PRDM2: variants seen among roughly 807,000 people sequenced by gnomAD.
PRDM2 encodes the protein PR domain zinc finger protein 2.
PRDM2 carries 30 observed loss-of-function variants against 130.0 expected under a neutral mutation model. The ratio of observed to expected loss-of-function variants is 0.23; its 90% CI spans 0.17 to 0.31. PRDM2 has a LOEUF of 0.31. PRDM2 is among the 10% of genes least tolerant of loss of function. The pLI, the probability that PRDM2 is intolerant of heterozygous loss-of-function variation, is 1.00. For synonymous variants in PRDM2, 871 were observed against 782.4 expected (o/e 1.11, Z -1.89); for missense variants, 2,011 against 2,108.4 (o/e 0.95, Z 0.90).
intron 8 of PRDM2, among the ~76,000 whole-genome samples, chr1:13,801,146 G>A (rs901048201): frequency 1.3e-5 from 2 of 152,212 alleles, no homozygotes; most frequent in Non-Finnish European, 2.9e-5. Context: ...GGGCATCGAC[G>A]TGAGCGAGGA....
chr1:13,725,933 T>C (rs1642900517), intron 2 of PRDM2, among the ~76,000 whole-genome samples: 1 of 152,182 alleles, frequency 6.6e-6, no homozygotes, highest in Non-Finnish European at 1.5e-5. Flanking sequence ...CTATGTAGCT[T>C]GGGAAAGTTA....
chr1:13,756,980 T>C (rs909407164), intron 6 of PRDM2, among the ~76,000 whole-genome samples: 4 of 152,262 alleles, frequency 2.6e-5, no homozygotes, highest in African/African-American at 9.6e-5. Context: ...CCAGTTTTTA[T>C]GCATGATGTT....
chr1:13,705,241 G>A (rs1484233354), intron 1 of PRDM2: 3 of 152,036 alleles, frequency 2.0e-5, no homozygotes, highest in African/African-American at 4.8e-5. Context: ...CTTTTTGATC[G>A]GGATGGTTTG....
chr1:13,815,017 A>G (rs1645234490), intron 8 of PRDM2, among the ~76,000 whole-genome samples: 1 of 152,196 alleles, frequency 6.6e-6, no homozygotes, highest in African/African-American at 2.4e-5. Context: ...GTGAAGAGTT[A>G]GATTGTTTGT....
intron 8 of PRDM2, among the ~76,000 whole-genome samples, chr1:13,798,064 G>A (rs1175561604): frequency 2.6e-5 from 4 of 152,098 alleles, no homozygotes; most frequent in Non-Finnish European, 5.9e-5. Context: ...CAGGAGCTGG[G>A]GACATTTCTG....
At chr1:13,722,446 A>G (rs971603865) in intron 2 of PRDM2, among the ~76,000 whole-genome samples, 4 of 152,126 alleles carry the variant, frequency 2.6e-5, no homozygotes, top group African/African-American at 9.7e-5. Flanking sequence ...AGATGCCTGT[A>G]GGGGCCAGGG....
chr1:13,745,789 A>G (rs2100520325), intron 5 of PRDM2, among the ~76,000 whole-genome samples: 1 of 152,272 alleles, frequency 6.6e-6, no homozygotes, highest in Non-Finnish European at 1.5e-5. Context: ...GGAGGAGAGG[A>G]ATCTTAGGAG....
intron 9 of PRDM2, among the ~76,000 whole-genome samples, chr1:13,820,240 G>A (rs1360278161): frequency 6.6e-6 from 1 of 152,182 alleles, no homozygotes; most frequent in African/African-American, 2.4e-5. Context: ...GGCTTTGGCT[G>A]CTTAGCCTGC....
intron 5 of PRDM2, among the ~76,000 whole-genome samples, chr1:13,746,701 C>T (rs1270051337): frequency 6.6e-6 from 1 of 152,038 alleles, no homozygotes; most frequent in African/African-American, 2.4e-5. Flanking sequence ...TGACTACAGG[C>T]ACACACCACC....
At chr1:13,770,625 G>A (rs1158110023) in intron 6 of PRDM2, among the ~76,000 whole-genome samples, 1 of 152,074 alleles carries the variant, frequency 6.6e-6, no homozygotes, top group Non-Finnish European at 1.5e-5. Context: ...TTTATGCAAG[G>A]AGTGAAGGTT....
intron 2 of PRDM2, among the ~76,000 whole-genome samples, chr1:13,730,706 G>A (rs1181421786): frequency 2.6e-5 from 4 of 152,192 alleles, no homozygotes; most frequent in Non-Finnish European, 4.4e-5. Context: ...TTCTATTTGT[G>A]TTTAAAGCAG....
chr1:13,788,067 A>C, intron 8 of PRDM2: 2 of 977,014 alleles, frequency 2.0e-6, no homozygotes, highest in Non-Finnish European at 2.4e-6. Flanking sequence ...ACCAATAAAA[A>C]ACTTTCTAAA....
chr1:13,713,157 C>G (rs981284186), intron 1 of PRDM2, among the ~76,000 whole-genome samples: 1 of 127,086 alleles, frequency 7.9e-6, no homozygotes, highest in African/African-American at 3.1e-5. Context: ...AACTATCTCC[C>G]TCTCCATAAC....
chr1:13,782,420 C>T lies in PRDM2; in HGVS notation c.4625C>T (p.Thr1542Ile), dbSNP rs1644635483. The change falls in exon 8 of 10, where the codon ACC (threonine) becomes ATC (isoleucine). Residue 1542 changes from threonine (T) to isoleucine (I), a missense_variant. By Grantham distance (89) the Thr-to-Ile change is moderately conservative. Transcript: ENST00000311066. ...GKTRARSSGPTQVPLPSSSFR... is the reference protein window; with the variant it reads ...GKTRARSSGPIQVPLPSSSFR... ...ACCAGAGCCCGCAGCTCAGGCCCCA[C>T]CCAAGTCCCACTTCCCTCCTCATCC... is the stretch of plus-strand genomic sequence containing the variant. 1 of 1,614,020 alleles carries T rather than the reference C, an allele frequency of 6.2e-7. No homozygotes were observed. Among genetic ancestry groups the T allele is most frequent in the Non-Finnish European group, 8.5e-7 (1 of 1,180,034 alleles).
At chr1:13,789,204 C>T (rs1015186118) in intron 8 of PRDM2, among the ~76,000 whole-genome samples, 7 of 152,206 alleles carry the variant, frequency 4.6e-5, no homozygotes, top group African/African-American at 1.7e-4. Context: ...TAGAGTTAAA[C>T]GTTTTTAAAA....
chr1:13,788,281 C>T lies in PRDM2; in HGVS notation c.5036+5450C>T, dbSNP rs914518586. Among the ~76,000 whole-genome samples, 12 of 152,234 alleles carry T rather than the reference C, an allele frequency of 7.9e-5. No individual in the cohort carries two copies. In the East Asian group the frequency reaches 1.9e-3, roughly 24 times the overall value. ...GTTGGATTTCTATGTAGAGGGTGGA[C>T]GTGTAGTCAGACAACGGTGCCGAGA... On this transcript the variant is annotated intron_variant, in intron 8 of 9. Coordinates refer to ENST00000311066, the MANE Select transcript of PRDM2 (RefSeq NM_001393986.1).
chr1:13,743,399 CAAAAAAA>C (rs70984282), intron 5 of PRDM2, among the ~76,000 whole-genome samples: 3 of 41,798 alleles, frequency 7.2e-5, no homozygotes, highest in East Asian at 7.8e-4. Context: ...GACTCTGTCT[CAAAAAAA>C]AAAAAAAAAA....
At chr1:13,757,778 CTTTTTTTTTT>C (rs34501705) in intron 6 of PRDM2, among the ~76,000 whole-genome samples, 1 of 105,906 alleles carries the variant, frequency 9.4e-6, no homozygotes, top group Non-Finnish European at 1.9e-5. Flanking sequence ...AGGTGGATAG[CTTTTTTTTTT>C]TTTTTTTTTT....
At chr1:13,704,774 T>A (rs1642158404) in intron 1 of PRDM2, 1 of 152,190 alleles carries the variant, frequency 6.6e-6, no homozygotes, top group Admixed American at 6.5e-5. Flanking sequence ...ACTAAACCCT[T>A]ATATACTTCA....
Sources: gnomAD v4.1 joint callset for allele counts (sites outside exome capture counted in the v4.1 genomes callset) on GRCh38, gnomAD v4.1.1 for gene constraint, MANE v1.5 for transcripts, NCBI Gene and HGNC (gene_info 2026-07-23, HGNC 2026-07-21) for gene names.